NEUROD1: variants seen among roughly 807,000 people sequenced by gnomAD.
NEUROD1 encodes the protein neurogenic differentiation factor 1.
A neutral mutation model predicts 21.8 loss-of-function variants in NEUROD1; 9 were observed. The observed-to-expected ratio is 0.41, with a 90% CI of 0.25 to 0.72. The LOEUF is 0.72. Among genes scored for constraint, NEUROD1 ranks in the 30% least tolerant of loss-of-function variants. NEUROD1 has a pLI of 0.31. For missense variants in NEUROD1, 434 were observed against 468.8 expected (o/e 0.93, Z 0.69); for synonymous variants, 199 against 186.2 (o/e 1.07, Z -0.56).
At chr2:181,675,027 C>G (rs907065159), downstream of NEUROD1, among the ~76,000 whole-genome samples, 3 of 152,172 alleles carry the variant, frequency 2.0e-5, no homozygotes, top group African/African-American at 7.2e-5. Context: ...TCTGAATGCT[C>G]ACTTCATTAC....
At chr2:181,674,356 C>A (rs543765593), downstream of NEUROD1, among the ~76,000 whole-genome samples, 108 of 152,152 alleles carry the variant, frequency 7.1e-4, no homozygotes, top group Non-Finnish European at 1.3e-3. Flanking sequence ...AACTTGCCAG[C>A]ATTTTTTTTT....
downstream of NEUROD1, among the ~76,000 whole-genome samples, chr2:181,670,051 T>G (rs973971717): frequency 6.6e-6 from 1 of 152,212 alleles, no homozygotes; most frequent in Non-Finnish European, 1.5e-5. Context: ...CTTTAAAATA[T>G]GAACTTGTGT....
At position 181,678,133 on chromosome 2, in the gene NEUROD1, T is replaced by C. The variant is rs980514566; in HGVS notation, c.728A>G (p.Lys243Arg). 3 of 1,614,122 alleles carry C rather than the reference T, an allele frequency of 1.9e-6. No individual in the cohort carries two copies. Among genetic ancestry groups the C allele is most frequent in the Non-Finnish European group, 1.7e-6 (2 of 1,180,020 alleles). Residue 243 changes from lysine to arginine, a missense_variant, in exon 2 of 2, where the codon AAG becomes AGG. Physicochemically the swap from Lys to Arg is conservative, Grantham distance 26. Transcript: ENST00000295108. The surrounding 1 kb of genome is among the most constrained non-coding windows in gnomAD (Gnocchi z 5.5). ...TGCGCTGTAGGCGTGCGGCGGAGGC[T>C]TAACGTGGAAGACATGGGAGCTGTC... ...TMDSSHVFHV[K>R]PPPHAYSAAL...
chr2:181,671,002 T>C (rs930979935), exon 2 of NEUROD1, among the ~76,000 whole-genome samples: 2 of 149,734 alleles, frequency 1.3e-5, no homozygotes, highest in Non-Finnish European at 3.0e-5. Flanking sequence ...GGGATACTAC[T>C]CAACCAAGTA....
chr2:181,668,852 G>A (rs1313468023), downstream of NEUROD1, among the ~76,000 whole-genome samples: 1 of 152,128 alleles, frequency 6.6e-6, no homozygotes, highest in Non-Finnish European at 1.5e-5. Flanking sequence ...GAGTCTTGAT[G>A]AAACTTTCTC....
Position 181,678,757 on chromosome 2 carries a change from TCG to T in NEUROD1, c.102_103del (p.His34GlnfsTer30). 2.5e-6 allele frequency: 4 copies of T among 1,613,136 alleles called. No homozygotes were observed. The highest frequency in any genetic ancestry group is 3.4e-6 in the Non-Finnish European group (4 of 1,179,342). On this transcript the variant is annotated frameshift_variant, in exon 2 of 2. Coordinates refer to ENST00000295108, the MANE Select transcript of NEUROD1 (RefSeq NM_002500.5). LOFTEE classifies it high-confidence loss of function. This position sits in a 1 kb window ranked among gnomAD's most constrained non-coding sequence, Gnocchi z 5.5. ...GAGGTCGTCCTCCTTCTTGTCTGCC[TCG>T]TGCTCCTCGTCCTGAGAACTGAGAC...
downstream of NEUROD1, among the ~76,000 whole-genome samples, chr2:181,674,545 G>A (rs1199537243): frequency 6.6e-6 from 1 of 152,192 alleles, no homozygotes. Context: ...ACATTTAAGT[G>A]AGTAAATTTG....
chr2:181,671,535 AT>A (rs1688498993), downstream of NEUROD1, among the ~76,000 whole-genome samples: 1 of 151,738 alleles, frequency 6.6e-6, no homozygotes, highest in African/African-American at 2.4e-5. Flanking sequence ...GGCTCAGGTG[AT>A]CCTCCCACCT....
chr2:181,678,475 G>T lies in NEUROD1; in HGVS notation c.386C>A (p.Pro129His). 6.2e-7 allele frequency: 1 copy of T among 1,614,236 alleles called. No homozygotes were observed. The highest frequency in any genetic ancestry group is 8.5e-7 in the Non-Finnish European group (1 of 1,180,048). ...CAGCTTCTGCGTCTTAGAATAGCAAGGCACCACCTTGCGCAGGTTGTCTAG... is the reference window on the plus strand; with the variant it reads ...CAGCTTCTGCGTCTTAGAATAGCAATGCACCACCTTGCGCAGGTTGTCTAG... The part of the protein sequence containing the change: ...AALDNLRKVV[P>H]CYSKTQKLSK... Residue 129 changes from proline to histidine, a missense_variant, in exon 2 of 2, where the codon CCT (proline) becomes CAT (histidine). Pro to His is a moderately conservative substitution (Grantham distance 77). Transcript: ENST00000295108. The surrounding 1 kb of genome is among the most constrained non-coding windows in gnomAD (Gnocchi z 5.5).
rs2105593617 is a variant in NEUROD1 at position 181,677,588 on chromosome 2, GA to G, written c.*201del. On this transcript the variant is annotated 3_prime_UTR_variant, in exon 2 of 2. Transcript: ENST00000295108. Reference sequence around the variant, plus strand: ...TTATTTTTTAAATAGAAGAGCTATAGAAAATAATACATAAGGTGAACAGGAA... The same window carrying G: ...TTATTTTTTAAATAGAAGAGCTATAGAAATAATACATAAGGTGAACAGGAA... 1 of 893,672 alleles carries G rather than the reference GA, an allele frequency of 1.1e-6. No individual in the cohort carries two copies. The highest frequency in any genetic ancestry group is 1.7e-5 in the South Asian group (1 of 58,816). 55.4% of individuals were successfully genotyped at this position (893,672 alleles called of 1,614,324 possible).
exon 2 of NEUROD1, among the ~76,000 whole-genome samples, chr2:181,671,255 A>G (rs1688494029): frequency 6.6e-6 from 1 of 152,172 alleles, no homozygotes; most frequent in African/African-American, 2.4e-5. Flanking sequence ...TATCTAAACA[A>G]GTAGCCTTGC....
rs1688584759 is a variant in NEUROD1 at position 181,676,897 on chromosome 2, A to T, written c.*893T>A. 1 of 152,590 alleles carries T rather than the reference A, an allele frequency of 6.6e-6. No homozygotes were observed. The highest frequency in any genetic ancestry group is 6.5e-5 in the Admixed American group (1 of 15,278). 9.5% of individuals were successfully genotyped at this position (152,590 alleles called of 1,614,324 possible). On this transcript the variant is annotated 3_prime_UTR_variant, in exon 2 of 2. Transcript: ENST00000295108. ...ACTAAAAAGTAACAGTGCAAATTGTATGTGATAGTCAAGCAGCTTTTGATT... is the reference window on the plus strand; with the variant it reads ...ACTAAAAAGTAACAGTGCAAATTGTTTGTGATAGTCAAGCAGCTTTTGATT...
intron 1 of NEUROD1, among the ~76,000 whole-genome samples, chr2:181,679,920 C>T (rs1315801415): frequency 3.3e-5 from 5 of 152,168 alleles, no homozygotes; most frequent in African/African-American, 7.2e-5. Flanking sequence ...TCTCCACTTT[C>T]CCCCCTCTCA....
At chr2:181,672,814 A>T (rs377670333), downstream of NEUROD1, among the ~76,000 whole-genome samples, 2 of 152,250 alleles carry the variant, frequency 1.3e-5, no homozygotes, top group East Asian at 1.9e-4. Flanking sequence ...AAAGTGAATG[A>T]AAAGCACTTA....
downstream of NEUROD1, among the ~76,000 whole-genome samples, chr2:181,669,170 G>A (rs895107082): frequency 6.6e-6 from 1 of 152,104 alleles, no homozygotes; most frequent in African/African-American, 2.4e-5. Flanking sequence ...ATAAAAATGA[G>A]CAAGCAACAA....
At chr2:181,673,248 C>G (rs1349885337), downstream of NEUROD1, 1 of 152,196 alleles carries the variant, frequency 6.6e-6, no homozygotes, top group East Asian at 1.9e-4. Context: ...AGCCACTGGA[C>G]CAAGCCTTAG....
rs1216007683 is a variant in NEUROD1, at chr2:181,678,316, T to C, written c.545A>G (p.Asn182Ser). The C allele has an allele frequency of 6.8e-6, 11 of 1,613,908 alleles. No homozygotes were observed. The highest frequency in any genetic ancestry group is 1.1e-5 in the South Asian group (1 of 91,066). Residue 182 changes from asparagine to serine, a missense_variant, in exon 2 of 2, where the codon AAC becomes AGC. Transcript: ENST00000295108. The surrounding 1 kb of genome is among the most constrained non-coding windows in gnomAD (Gnocchi z 5.5). ...GAGTTGCAGGCAGCCCGCAACCAGG[T>C]TGGTGGTGGGTTGGGATAAGCCCTT... ...LCKGLSQPTTNLVAGCLQLNP... is the reference protein window; with the variant it reads ...LCKGLSQPTTSLVAGCLQLNP...
At chr2:181,675,738 TGCCCCAAAG>T (rs1304615159), downstream of NEUROD1, among the ~76,000 whole-genome samples, 1 of 151,826 alleles carries the variant, frequency 6.6e-6, no homozygotes, top group Non-Finnish European at 1.5e-5. Flanking sequence ...AACAGAATAG[TGCCCCAAAG>T]GGTGGGGGGA....
In NEUROD1 at chr2:181,678,544, G is replaced by A; in HGVS notation, c.317C>T (p.Ala106Val). The change falls in exon 2 of 2, where the codon GCT (alanine) becomes GTT (valine). Residue 106 changes from alanine to valine, a missense_variant. Physicochemically the swap from Ala to Val is moderately conservative, Grantham distance 64. Transcript: ENST00000295108. This position sits in a 1 kb window ranked among gnomAD's most constrained non-coding sequence, Gnocchi z 5.5. The stretch of plus-strand genomic sequence containing the variant: ...CATGCGGTTCCGCTCCCGGGCGTTA[G>A]CCTTCATGCGTCTCAATTTAAAACG... Reference protein sequence around the residue: ...LERFKLRRMKANARERNRMHG... With the variant: ...LERFKLRRMKVNARERNRMHG... 1 of 1,614,252 alleles carries A rather than the reference G, an allele frequency of 6.2e-7. No individual in the cohort carries two copies. Among genetic ancestry groups the A allele is most frequent in the Non-Finnish European group, 8.5e-7 (1 of 1,180,048 alleles).
Sources: allele counts gnomAD v4.1 joint callset (sites outside exome capture counted in the v4.1 genomes callset), GRCh38; gene constraint gnomAD v4.1.1; non-coding constraint Gnocchi (gnomAD v3.1); transcripts MANE v1.5; gene names NCBI Gene and HGNC (gene_info 2026-07-23, HGNC 2026-07-21).